Variants in SHLD1 observed in about 807,000 individuals in gnomAD.
SHLD1 encodes RINN1-REV7-interacting novel NHEJ regulator 3.
A neutral mutation model predicts 5.5 loss-of-function variants in SHLD1; 3 were observed. The ratio of observed to expected loss-of-function variants is 0.54; its 90% CI spans 0.25 to 1.40. SHLD1 has a LOEUF of 1.40. Among genes scored for constraint, SHLD1 ranks in the 40% most tolerant of loss-of-function variants. The pLI is 0.15. For synonymous variants in SHLD1, 92 were observed against 94.3 expected, an observed-to-expected ratio of 0.98 and a Z score of 0.14; for missense variants, 210 against 244.4, an observed-to-expected ratio of 0.86 and a Z score of 0.94.
At chr20:5,807,134 A>G (rs2087389441) in intron 2 of SHLD1, among the ~76,000 whole-genome samples, 2 of 152,146 alleles carry the variant, frequency 1.3e-5, no homozygotes, top group Non-Finnish European at 1.5e-5. Flanking sequence ...GCTCTTGGTT[A>G]TGTATGATTA....
chr20:5,812,913 C>CT lies in SHLD1; in HGVS notation c.178+39870_178+39871insT, dbSNP rs1312826855. Reference sequence around the variant, plus strand: ...TTATTGAGACGGGGTCTCACTCTGTCACCCAGGCTGGAGTGCAGTGATATA... The same window carrying CT: ...TTATTGAGACGGGGTCTCACTCTGTCTACCCAGGCTGGAGTGCAGTGATATA... On this transcript the variant is annotated intron_variant, in intron 2 of 2. Transcript: ENST00000303142. 7.2e-5 allele frequency among the ~76,000 whole-genome samples: 11 copies of CT among 152,086 alleles called. No individual in the cohort carries two copies. The East Asian group carries it at 2.1e-3, about 30-fold the overall frequency.
intron 2 of SHLD1, among the ~76,000 whole-genome samples, chr20:5,856,971 G>C (rs78734873): frequency 0.041 from 6,264 of 152,114 alleles, 178 homozygotes; most frequent in African/African-American, 0.068. Flanking sequence ...GTTTGTTTTT[G>C]TTTCTATTTT....
In SHLD1 at chr20:5,818,984, T is replaced by C. The variant is rs2087573462; in HGVS notation, c.179-44040T>C. On this transcript the variant is annotated intron_variant, in intron 2 of 2. Coordinates refer to ENST00000303142, the MANE Select transcript of SHLD1 (RefSeq NM_152504.4). ...TTCAAGCAATTCTTGGGCCTCAGCC[T>C]CCCAAGTAGCTGGGACTACAGGTGT... Among the ~76,000 whole-genome samples the C allele has an allele frequency of 2.0e-5, 3 of 152,182 alleles. No homozygotes were observed. The South Asian group carries it at 6.2e-4, about 32-fold the overall frequency.
chr20:5,755,674 T>C (rs1039784521), intron 1 of SHLD1, among the ~76,000 whole-genome samples: 5 of 152,140 alleles, frequency 3.3e-5, no homozygotes, highest in South Asian at 2.1e-4. Flanking sequence ...GTTCTCCTGC[T>C]TCAGCCTCCC....
intron 2 of SHLD1, among the ~76,000 whole-genome samples, chr20:5,775,564 C>T (rs1985383330): frequency 6.6e-6 from 1 of 151,972 alleles, no homozygotes; most frequent in Admixed American, 6.6e-5. Context: ...TATGGATATT[C>T]TATGCCAAAA....
chr20:5,767,242 T>A (rs752378779), intron 1 of SHLD1, among the ~76,000 whole-genome samples: 7 of 152,082 alleles, frequency 4.6e-5, no homozygotes, highest in Non-Finnish European at 8.8e-5. Flanking sequence ...CAAGTGATCA[T>A]CCCATCTCAG....
At chr20:5,754,553 C>T (rs143287466) in intron 1 of SHLD1, among the ~76,000 whole-genome samples, 7 of 152,202 alleles carry the variant, frequency 4.6e-5, no homozygotes, top group Admixed American at 6.6e-5. Context: ...AGGTTTATTC[C>T]GAGCCAAATA....
chr20:5,773,266 A>T (rs1253723587), intron 2 of SHLD1: 1 of 665,684 alleles, frequency 1.5e-6, no homozygotes, highest in African/African-American at 1.8e-5. Flanking sequence ...TCTTTTTGTT[A>T]TTGTTGCTGT....
At position 5,812,090 on chromosome 20, in the gene SHLD1, C is replaced by T. The variant is rs1287102076; in HGVS notation, c.178+39047C>T. 8.4e-3 allele frequency among the ~76,000 whole-genome samples: 973 copies of T among 115,272 alleles called. 3 individuals carry two copies. The highest frequency in any genetic ancestry group is 0.024 in the African/African-American group (767 of 31,804). The allele number at this position is 115,272 out of a possible 152,430, so 75.6% of individuals were successfully genotyped here. A position where few individuals can be genotyped will look rare whatever the true frequency, so the allele number is the denominator to read the frequency against. ...TTTTCTTTTTTTTTTCTTTTTTTTT[C>T]TTTTTTTTTTTGAGGACCCGACCTT... is the stretch of plus-strand genomic sequence containing the variant. On this transcript the variant is annotated intron_variant, in intron 2 of 2. Transcript: ENST00000303142.
intron 2 of SHLD1, among the ~76,000 whole-genome samples, chr20:5,833,319 C>A (rs1235563387): frequency 6.6e-6 from 1 of 152,166 alleles, no homozygotes; most frequent in Non-Finnish European, 1.5e-5. Context: ...GGTAAACTCA[C>A]AACTCGGGTT....
chr20:5,858,016 T>C (rs2088112420), intron 2 of SHLD1, among the ~76,000 whole-genome samples: 1 of 151,236 alleles, frequency 6.6e-6, no homozygotes, highest in African/African-American at 2.4e-5. Context: ...GGAGAATCAC[T>C]TGAACCCCGG....
chr20:5,821,372 G>C (rs927911609), intron 2 of SHLD1, among the ~76,000 whole-genome samples: 1 of 152,100 alleles, frequency 6.6e-6, no homozygotes, highest in Non-Finnish European at 1.5e-5. Context: ...AATCAGCCGG[G>C]CGTGGTGGTG....
chr20:5,759,575 T>C (rs1359027464), intron 1 of SHLD1, among the ~76,000 whole-genome samples: 2 of 152,062 alleles, frequency 1.3e-5, no homozygotes, highest in Non-Finnish European at 2.9e-5. Context: ...GCTCTGCTGC[T>C]CAGGCTGGAG....
intron 2 of SHLD1, among the ~76,000 whole-genome samples, chr20:5,856,440 T>G (rs967822018): frequency 6.6e-6 from 1 of 152,098 alleles, no homozygotes; most frequent in African/African-American, 2.4e-5. Context: ...CTTTCCTCCA[T>G]GGAGCATGGA....
chr20:5,838,736 C>A (rs1440618218), intron 2 of SHLD1, among the ~76,000 whole-genome samples: 2 of 152,076 alleles, frequency 1.3e-5, no homozygotes, highest in Non-Finnish European at 2.9e-5. Context: ...TGAGACGGCG[C>A]CACTGCACTC....
At chr20:5,812,532 G>A (rs1366681019) in intron 2 of SHLD1, among the ~76,000 whole-genome samples, 1 of 152,162 alleles carries the variant, frequency 6.6e-6, no homozygotes, top group Admixed American at 6.6e-5. Context: ...CCTCTTGTAA[G>A]ACAACAGAGC....
At chr20:5,801,102 A>G (rs2087287770) in intron 2 of SHLD1, among the ~76,000 whole-genome samples, 1 of 142,640 alleles carries the variant, frequency 7.0e-6, no homozygotes. Flanking sequence ...TTTGAGACAG[A>G]GTTTCTCTCT....
chr20:5,761,156 G>A (rs577058562), intron 1 of SHLD1, among the ~76,000 whole-genome samples: 6 of 152,152 alleles, frequency 3.9e-5, no homozygotes, highest in Middle Eastern at 3.4e-3. Context: ...TAACACAGGA[G>A]CAGAAAACCA....
chr20:5,761,807 C>T (rs894292827), intron 1 of SHLD1, among the ~76,000 whole-genome samples: 7 of 151,638 alleles, frequency 4.6e-5, no homozygotes, highest in African/African-American at 1.7e-4. Context: ...GGGGTTTTAC[C>T]ATGTTGGCCA....
Sources: allele counts gnomAD v4.1 joint callset (sites outside exome capture counted in the v4.1 genomes callset), GRCh38; gene constraint gnomAD v4.1.1; transcripts MANE v1.5; gene names NCBI Gene and HGNC (gene_info 2026-07-23, HGNC 2026-07-21).